ELMO1: variants seen among roughly 807,000 people sequenced by gnomAD.
ELMO1 encodes the protein engulfment and cell motility protein 1.
A neutral mutation model predicts 98.9 loss-of-function variants in ELMO1; 26 were observed. That is an observed-to-expected ratio of 0.26 (90% CI 0.19 to 0.36). ELMO1 has a LOEUF of 0.36. Ranked by LOEUF, ELMO1 falls within the 10% of genes least tolerant of loss-of-function variation. The pLI, the probability that ELMO1 is intolerant of heterozygous loss-of-function variation, is 1.00. For missense variants in ELMO1, 627 were observed against 935.2 expected (o/e 0.67, Z 4.30); for synonymous variants, 346 against 346.0 (o/e 1.00, Z 0.00).
chr7:37,111,126 G>T (rs764935277), intron 14 of ELMO1, among the ~76,000 whole-genome samples: 1 of 152,152 alleles, frequency 6.6e-6, no homozygotes, highest in Non-Finnish European at 1.5e-5. Flanking sequence ...CTGACAGTAG[G>T]TTCCTTGGGG....
At chr7:37,443,963 G>A (rs1234470656) in intron 1 of ELMO1, among the ~76,000 whole-genome samples, 2 of 152,116 alleles carry the variant, frequency 1.3e-5, no homozygotes, top group African/African-American at 4.8e-5. Context: ...GGAGCACCGT[G>A]GTGAGATCAC....
intron 13 of ELMO1, among the ~76,000 whole-genome samples, chr7:37,190,331 GAA>G (rs1439373280): frequency 1.3e-5 from 2 of 152,168 alleles, no homozygotes; most frequent in African/African-American, 4.8e-5. Context: ...AATGTGGAGA[GAA>G]GTCTCAACAT....
intron 16 of ELMO1, among the ~76,000 whole-genome samples, chr7:37,006,935 G>A (rs1399859636): frequency 6.6e-6 from 1 of 152,126 alleles, no homozygotes; most frequent in Non-Finnish European, 1.5e-5. Context: ...ATTGACACTG[G>A]TAAGGATTGG....
chr7:37,423,537 G>A (rs1367773050), intron 1 of ELMO1, among the ~76,000 whole-genome samples: 2 of 152,170 alleles, frequency 1.3e-5, no homozygotes, highest in Admixed American at 1.3e-4. Flanking sequence ...CTGAGATCTT[G>A]CCACTGCACT....
intron 13 of ELMO1, among the ~76,000 whole-genome samples, chr7:37,202,036 G>A (rs1194782856): frequency 6.6e-6 from 1 of 152,166 alleles, no homozygotes; most frequent in African/African-American, 2.4e-5. Context: ...GGGCTGACTG[G>A]GTCTGGTGGA....
intron 1 of ELMO1, among the ~76,000 whole-genome samples, chr7:37,349,432 A>G (rs1166414213): frequency 6.6e-6 from 1 of 152,042 alleles, no homozygotes; most frequent in Admixed American, 6.6e-5. Flanking sequence ...GTCTTCCTGG[A>G]GCCCTCTAGT....
intron 13 of ELMO1, among the ~76,000 whole-genome samples, chr7:37,188,037 G>A (rs1791322510): frequency 6.6e-6 from 1 of 152,002 alleles, no homozygotes; most frequent in African/African-American, 2.4e-5. Context: ...AAAAAAAGCA[G>A]GGGGGTGGGG....
At chr7:37,069,334 G>C (rs957303868) in intron 15 of ELMO1, among the ~76,000 whole-genome samples, 1 of 152,142 alleles carries the variant, frequency 6.6e-6, no homozygotes, top group East Asian at 1.9e-4. Context: ...AGAAGGAAAA[G>C]AATATGTTTC....
intron 8 of ELMO1, among the ~76,000 whole-genome samples, chr7:37,229,885 T>C (rs1341446187): frequency 6.6e-6 from 1 of 152,208 alleles, no homozygotes; most frequent in Non-Finnish European, 1.5e-5. Context: ...CAGTCTTTAC[T>C]TTCTTACATT....
intron 16 of ELMO1, among the ~76,000 whole-genome samples, chr7:36,946,806 C>T (rs992857265): frequency 6.6e-6 from 1 of 152,290 alleles, no homozygotes. Context: ...CCTTCTTCCT[C>T]GGTGAGATCA....
intron 18 of ELMO1, among the ~76,000 whole-genome samples, chr7:36,879,859 A>G (rs1197665119): frequency 2.0e-5 from 3 of 152,238 alleles, no homozygotes; most frequent in Non-Finnish European, 4.4e-5. Flanking sequence ...CAAAGGGAGA[A>G]AACAGTTATT....
At chr7:36,973,190 A>C (rs946060320) in intron 16 of ELMO1, among the ~76,000 whole-genome samples, 1 of 152,222 alleles carries the variant, frequency 6.6e-6, no homozygotes, top group Non-Finnish European at 1.5e-5. Context: ...CAATCCGTGA[A>C]GCCAGAGCAT....
At chr7:37,027,723 A>G (rs1490565894) in intron 15 of ELMO1, among the ~76,000 whole-genome samples, 1 of 152,138 alleles carries the variant, frequency 6.6e-6, no homozygotes, top group African/African-American at 2.4e-5. Context: ...TGAGTGGAAC[A>G]CAGAGAGGCG....
intron 13 of ELMO1, among the ~76,000 whole-genome samples, chr7:37,190,419 C>A (rs1791493197): frequency 6.6e-6 from 1 of 152,184 alleles, no homozygotes; most frequent in Non-Finnish European, 1.5e-5. Context: ...TCATTACGGT[C>A]TATCAGATGA....
At chr7:37,064,948 C>G (rs1796875453) in intron 15 of ELMO1, among the ~76,000 whole-genome samples, 1 of 152,098 alleles carries the variant, frequency 6.6e-6, no homozygotes, top group Non-Finnish European at 1.5e-5. Context: ...CCACCATAGC[C>G]AATTCTGAGC....
chr7:37,265,684 C>T (rs550301769), intron 5 of ELMO1, among the ~76,000 whole-genome samples: 1 of 152,076 alleles, frequency 6.6e-6, no homozygotes, highest in Non-Finnish European at 1.5e-5. Flanking sequence ...GTACTACTCC[C>T]TCCTCCTTGA....
intron 14 of ELMO1, among the ~76,000 whole-genome samples, chr7:37,131,880 A>T (rs1786944469): frequency 6.6e-6 from 1 of 152,220 alleles, no homozygotes; most frequent in South Asian, 2.1e-4. Context: ...ACACAGATTT[A>T]AAATATATTT....
At chr7:37,292,707 C>A (rs1339249391) in intron 4 of ELMO1, among the ~76,000 whole-genome samples, 3 of 98,152 alleles carry the variant, frequency 3.1e-5, no homozygotes, top group Admixed American at 9.7e-5. Context: ...AGCGTCTCCG[C>A]CCGGCAGCCG....
intron 10 of ELMO1, among the ~76,000 whole-genome samples, chr7:37,218,310 C>G (rs1033515241): frequency 6.6e-6 from 1 of 152,106 alleles, no homozygotes; most frequent in Non-Finnish European, 1.5e-5. Flanking sequence ...TTGTAATTGT[C>G]TGTTTACAAT....
Sources: gnomAD v4.1 joint callset for allele counts (sites outside exome capture counted in the v4.1 genomes callset) on GRCh38, gnomAD v4.1.1 for gene constraint, MANE v1.5 for transcripts, NCBI Gene and HGNC (gene_info 2026-07-23, HGNC 2026-07-21) for gene names.